Variants in LAPTM5 observed in about 807,000 individuals in gnomAD.
LAPTM5 encodes lysosomal-associated transmembrane protein 5.
LAPTM5 carries 11 observed loss-of-function variants against 30.1 expected under a neutral mutation model. The observed-to-expected ratio is 0.37, with a 90% CI of 0.23 to 0.60. LAPTM5 has a LOEUF of 0.60. LAPTM5 is among the 20% of genes least tolerant of loss of function. The pLI is 0.71. For synonymous variants in LAPTM5, 151 were observed against 137.9 expected (o/e 1.10, Z -0.67); for missense variants, 324 against 332.5 (o/e 0.97, Z 0.20).
At chr1:30,749,168 A>G (rs997165486) in intron 1 of LAPTM5, among the ~76,000 whole-genome samples, 2 of 152,248 alleles carry the variant, frequency 1.3e-5, no homozygotes, top group African/African-American at 4.8e-5. Flanking sequence ...ACAGCAATGG[A>G]AAAAATGAGT....
At chr1:30,749,334 G>A (rs1412492728) in intron 1 of LAPTM5, among the ~76,000 whole-genome samples, 3 of 152,160 alleles carry the variant, frequency 2.0e-5, no homozygotes, top group East Asian at 1.9e-4. Context: ...CAGTGGGGGC[G>A]GGGCAGTGGC....
intron 1 of LAPTM5, among the ~76,000 whole-genome samples, chr1:30,749,694 A>G (rs933776932): frequency 2.6e-5 from 4 of 152,162 alleles, no homozygotes; most frequent in South Asian, 2.1e-4. Context: ...GGCTTCTCAG[A>G]GGAGGTGGAT....
At chr1:30,755,604 G>C (rs1031294943) in intron 1 of LAPTM5, among the ~76,000 whole-genome samples, 12 of 152,084 alleles carry the variant, frequency 7.9e-5, no homozygotes, top group South Asian at 6.2e-4. Flanking sequence ...TCAGCTCTGT[G>C]AGCAGGGACC....
Position 30,737,425 on chromosome 1 carries a change from G to A in LAPTM5, c.606+179C>T, listed in dbSNP as rs181459031. Among the ~76,000 whole-genome samples the A allele has an allele frequency of 2.6e-3, 403 of 152,252 alleles. 2 individuals are homozygous for A. Among genetic ancestry groups the A allele is most frequent in the African/African-American group, 9.1e-3 (377 of 41,538 alleles). ...TCACATGCCCTAAATGGGCTGTCTC[G>A]GAGGATCCCAAGTAAAGTCAGAGGA... is the stretch of plus-strand genomic sequence containing the variant. On this transcript the variant is annotated intron_variant, in intron 6 of 7. Coordinates refer to ENST00000294507, the MANE Select transcript of LAPTM5 (RefSeq NM_006762.3).
chr1:30,736,691 C>T (rs1284661463), intron 6 of LAPTM5, among the ~76,000 whole-genome samples: 2 of 152,176 alleles, frequency 1.3e-5, no homozygotes, highest in African/African-American at 4.8e-5. Flanking sequence ...CCAATTCAGC[C>T]TCCCAAAGCA....
intron 1 of LAPTM5, among the ~76,000 whole-genome samples, chr1:30,747,937 G>A (rs1225158981): frequency 3.9e-5 from 6 of 152,080 alleles, no homozygotes; most frequent in Admixed American, 3.3e-4. Flanking sequence ...TGATGGGGGT[G>A]ACGGCAATGG....
In LAPTM5 at chr1:30,739,233, C is replaced by G; in HGVS notation, c.388-171G>C. On this transcript the variant is annotated intron_variant, in intron 4 of 7. Coordinates refer to ENST00000294507, the MANE Select transcript of LAPTM5 (RefSeq NM_006762.3). The surrounding 1 kb of genome is among the most constrained non-coding windows in gnomAD (Gnocchi z 4.2). Reference sequence around the variant, plus strand: ...AACACACAGATGTTCATACCAAGAGCTGGTGGCAGACCCAAGACTAGAACC... The same window carrying G: ...AACACACAGATGTTCATACCAAGAGGTGGTGGCAGACCCAAGACTAGAACC... The G allele has an allele frequency of 2.3e-6, 2 of 851,606 alleles. No homozygotes were observed. The highest frequency in any genetic ancestry group is 3.4e-6 in the Non-Finnish European group (2 of 579,774). 52.8% of individuals were successfully genotyped at this position (851,606 alleles called of 1,614,324 possible).
chr1:30,737,505 G>T (rs996500017), intron 6 of LAPTM5, 99 bp downstream of exon 6: 2 of 771,648 alleles, frequency 2.6e-6, no homozygotes, highest in Non-Finnish European at 4.4e-6. Context: ...AGGCATGGAG[G>T]ACACATGTCC....
intron 1 of LAPTM5, among the ~76,000 whole-genome samples, chr1:30,748,018 T>C (rs1391602604): frequency 6.6e-6 from 1 of 152,120 alleles, no homozygotes; most frequent in African/African-American, 2.4e-5. Context: ...CCCCCGATTC[T>C]GGGGTTCAAA....
intron 1 of LAPTM5, among the ~76,000 whole-genome samples, chr1:30,756,938 C>T (rs1640219490): frequency 6.6e-6 from 1 of 152,182 alleles, no homozygotes; most frequent in Admixed American, 6.5e-5. Flanking sequence ...GGCCCCCGGG[C>T]ACTGTGACTT....
At chr1:30,744,328 G>A (rs1484465484) in intron 1 of LAPTM5, among the ~76,000 whole-genome samples, 2 of 152,168 alleles carry the variant, frequency 1.3e-5, no homozygotes, top group Admixed American at 6.5e-5. Context: ...AGGCCAGGCC[G>A]CAGCCCCTCT....
chr1:30,755,955 C>A (rs1257397915), intron 1 of LAPTM5, among the ~76,000 whole-genome samples: 2 of 152,192 alleles, frequency 1.3e-5, no homozygotes, highest in African/African-American at 2.4e-5. Context: ...CCCCATCTGC[C>A]CCCTGCTGTC....
rs1486235288 is a variant in LAPTM5, at chr1:30,733,810, G to A, written c.*18C>T. On this transcript the variant is annotated 3_prime_UTR_variant, in exon 8 of 8. Transcript: ENST00000294507. ...CAGCTCCACCCCTCCCAGCACTGGG[G>A]CTGGGGCCTGGCGAGGGTCACACCT... 20 of 1,599,800 alleles carry A rather than the reference G, an allele frequency of 1.3e-5. No individual in the cohort carries two copies. The highest frequency in any genetic ancestry group is 1.7e-5 in the Non-Finnish European group (20 of 1,175,434).
At chr1:30,747,776 G>A (rs1640069458) in intron 1 of LAPTM5, among the ~76,000 whole-genome samples, 1 of 152,180 alleles carries the variant, frequency 6.6e-6, no homozygotes, top group African/African-American at 2.4e-5. Flanking sequence ...GGTACCAGAG[G>A]GGATGCGGTG....
intron 1 of LAPTM5, among the ~76,000 whole-genome samples, chr1:30,752,509 C>T (rs1054482861): frequency 6.6e-6 from 1 of 152,198 alleles, no homozygotes; most frequent in African/African-American, 2.4e-5. Context: ...TGCTACTCCC[C>T]CCGCCCAGCG....
At chr1:30,743,805 T>TTTTG (rs1470926699) in intron 1 of LAPTM5, among the ~76,000 whole-genome samples, 3 of 148,176 alleles carry the variant, frequency 2.0e-5, no homozygotes, top group South Asian at 4.4e-4. Context: ...GTTTTTTTTT[T>TTTTG]TTTTTTTTTT....
intron 2 of LAPTM5, 87 bp from the exon 3 acceptor site, chr1:30,741,803 G>C (rs1335611063): frequency 1.8e-5 from 17 of 946,730 alleles, no homozygotes; most frequent in Middle Eastern, 2.4e-4. Context: ...GGAACCACTG[G>C]TTTGGGGACA....
At chr1:30,752,654 T>C (rs1640153409) in intron 1 of LAPTM5, among the ~76,000 whole-genome samples, 1 of 152,200 alleles carries the variant, frequency 6.6e-6, no homozygotes, top group African/African-American at 2.4e-5. Flanking sequence ...TGTCATCCAT[T>C]GTCCTCGTCG....
chr1:30,742,018 G>A lies in LAPTM5; in HGVS notation c.182-302C>T, dbSNP rs552735758. On this transcript the variant is annotated intron_variant, in intron 2 of 7. Coordinates refer to ENST00000294507, the MANE Select transcript of LAPTM5 (RefSeq NM_006762.3). ...AGTGGCCTGAGAGCAATGAGGAATC[G>A]GCCTGAGACAGGGACAGGGTTGGTG... 1.3e-4 allele frequency: 46 copies of A among 359,572 alleles called. No individual in the cohort carries two copies. In the Middle Eastern group the frequency reaches 3.3e-3, roughly 25 times the overall value. 22.3% of individuals were successfully genotyped at this position (359,572 alleles called of 1,614,324 possible). A position where few individuals can be genotyped will look rare whatever the true frequency, so the allele number is the denominator to read the frequency against.
Sources: allele counts gnomAD v4.1 joint callset (sites outside exome capture counted in the v4.1 genomes callset), GRCh38; gene constraint gnomAD v4.1.1; non-coding constraint Gnocchi (gnomAD v3.1); transcripts MANE v1.5; gene names NCBI Gene and HGNC (gene_info 2026-07-23, HGNC 2026-07-21).